Variants in SATB2 observed in about 807,000 individuals in gnomAD.
SATB2 encodes the protein SATB homeobox 2, also known as DNA-binding protein SATB2.
A neutral mutation model predicts 73.4 loss-of-function variants in SATB2; 1 was observed. That is an observed-to-expected ratio of 0.01 (90% CI 0.00 to 0.06). The LOEUF (loss-of-function observed/expected upper bound fraction) is 0.06, where lower values mean the gene tolerates loss of function less well. SATB2 is among the 10% of genes least tolerant of loss of function. The pLI is 1.00. For missense variants in SATB2, 459 were observed against 945.8 expected (o/e 0.49, Z 6.75); for synonymous variants, 397 against 367.0 (o/e 1.08, Z -0.93).
chr2:199,440,214 A>G (rs963058850), intron 2 of SATB2, among the ~76,000 whole-genome samples: 3 of 152,158 alleles, frequency 2.0e-5, no homozygotes, highest in Non-Finnish European at 2.9e-5. Flanking sequence ...CTCAGGAAAA[A>G]TTTCTAAAAG....
intron 7 of SATB2, among the ~76,000 whole-genome samples, chr2:199,333,990 T>C (rs1309603245): frequency 1.3e-5 from 2 of 152,154 alleles, no homozygotes; most frequent in African/African-American, 4.8e-5. Flanking sequence ...TTTGTGGCAG[T>C]TGAAATGAGA....
chr2:199,272,305 C>T lies in SATB2; in HGVS notation c.2108G>A (p.Ser703Asn). ...GTACATCTCCTCGGAGCCTTCCTCG[C>T]TGTCGTTCTCCTCTGACTCGGTCAG... The part of the protein sequence containing the change: ...ELLTESEEND[S>N]EEGSEEMYKV... Residue 703 changes from serine to asparagine, a missense_variant, in exon 11 of 11, where the codon AGC becomes AAC. Transcript: ENST00000417098. The surrounding 1 kb of genome is among the most constrained non-coding windows in gnomAD (Gnocchi z 6.7). The T allele has an allele frequency of 6.2e-7, 1 of 1,614,208 alleles. No homozygotes were observed. The highest frequency in any genetic ancestry group is 8.5e-7 in the Non-Finnish European group (1 of 1,180,036).
At chr2:199,420,358 G>A (rs1691127496) in intron 3 of SATB2, among the ~76,000 whole-genome samples, 1 of 151,994 alleles carries the variant, frequency 6.6e-6, no homozygotes, top group South Asian at 2.1e-4. Context: ...TTGTTTTTAG[G>A]ACTAAATGGA....
chr2:199,409,650 GT>G (rs5837680), intron 3 of SATB2, among the ~76,000 whole-genome samples: 1 of 146,684 alleles, frequency 6.8e-6, no homozygotes, highest in African/African-American at 2.5e-5. Flanking sequence ...ACCAAGACAA[GT>G]TTTTTTTGTT....
At chr2:199,367,957 C>T (rs1436573929) in intron 6 of SATB2, among the ~76,000 whole-genome samples, 1 of 152,044 alleles carries the variant, frequency 6.6e-6, no homozygotes, top group Non-Finnish European at 1.5e-5. Flanking sequence ...AGTATGACTA[C>T]TACTATTAAT....
chr2:199,440,369 C>T (rs1039934056), intron 2 of SATB2, among the ~76,000 whole-genome samples: 1 of 152,204 alleles, frequency 6.6e-6, no homozygotes, highest in Non-Finnish European at 1.5e-5. Flanking sequence ...AAAAATTCCA[C>T]AGATTAATAG....
intron 3 of SATB2, among the ~76,000 whole-genome samples, chr2:199,386,708 GCGCGCGCGCACA>G (rs1476016879): frequency 0.094 from 4,258 of 45,280 alleles, 82 homozygotes; most frequent in East Asian, 0.14. Flanking sequence ...GCGCGCGCGC[GCGCGCGCGCACA>G]CACACACACA....
At chr2:199,293,060 C>T (rs1277789494) in intron 10 of SATB2, among the ~76,000 whole-genome samples, 3 of 152,082 alleles carry the variant, frequency 2.0e-5, no homozygotes, top group Admixed American at 6.6e-5. Flanking sequence ...TGAAATACCA[C>T]ATTTGATCAG....
At chr2:199,418,361 G>C (rs967418988) in intron 3 of SATB2, among the ~76,000 whole-genome samples, 1 of 152,108 alleles carries the variant, frequency 6.6e-6, no homozygotes, top group Admixed American at 6.5e-5. Flanking sequence ...GAGGGCCAAC[G>C]ATCTGTTAAG....
intron 2 of SATB2, among the ~76,000 whole-genome samples, chr2:199,445,693 C>T (rs1259434902): frequency 6.6e-6 from 1 of 152,106 alleles, no homozygotes; most frequent in Non-Finnish European, 1.5e-5. Context: ...GTGACTTTAC[C>T]TGGTTATTAA....
intron 3 of SATB2, among the ~76,000 whole-genome samples, chr2:199,390,573 C>A (rs754916504): frequency 1.3e-5 from 2 of 152,118 alleles, no homozygotes; most frequent in Non-Finnish European, 2.9e-5. Flanking sequence ...ATCAAAGACA[C>A]AAGCGAAAGA....
At chr2:199,432,832 A>G (rs1691542323) in intron 3 of SATB2, among the ~76,000 whole-genome samples, 1 of 152,270 alleles carries the variant, frequency 6.6e-6, no homozygotes, top group Admixed American at 6.5e-5. Context: ...AATTGATCAT[A>G]AAGACATGGC....
intron 10 of SATB2, among the ~76,000 whole-genome samples, chr2:199,294,326 T>A (rs1900327): frequency 0.75 from 114,346 of 152,038 alleles, 46,000 homozygotes; most frequent in Non-Finnish European, 0.89. Context: ...TTGATTTCTT[T>A]TCAACAAAAT....
At position 199,433,318 on chromosome 2, in the gene SATB2, G is replaced by C. The variant is rs1403599984; in HGVS notation, c.346+20C>G. ...ATGACACACAAGAGACTTGGGAGGA[G>C]AGGGGAGAGGCATTAATACCTTGGG... On this transcript the variant is annotated intron_variant, in intron 3 of 10. Transcript: ENST00000417098. 1.2e-6 allele frequency: 2 copies of C among 1,609,044 alleles called. No individual in the cohort carries two copies. Among genetic ancestry groups the C allele is most frequent in the African/African-American group, 2.7e-5 (2 of 74,802 alleles).
In SATB2 at chr2:199,455,212, G is replaced by A. The variant is rs1169834160; in HGVS notation, c.169+657C>T. 6.6e-6 allele frequency among the ~76,000 whole-genome samples: 1 copy of A among 152,118 alleles called. No individual in the cohort carries two copies. Among genetic ancestry groups the A allele is most frequent in the Non-Finnish European group, 1.5e-5 (1 of 68,020 alleles). Reference sequence around the variant, plus strand: ...AAATTATTAATAAATTCTTTGGAGGGGAAACTACATCTAGTTGATAAGGCT... The same window carrying A: ...AAATTATTAATAAATTCTTTGGAGGAGAAACTACATCTAGTTGATAAGGCT... On this transcript the variant is annotated intron_variant, in intron 2 of 10. Coordinates refer to ENST00000417098, the MANE Select transcript of SATB2 (RefSeq NM_001172509.2). The surrounding 1 kb of genome is among the most constrained non-coding windows in gnomAD (Gnocchi z 4.1).
At chr2:199,372,610 ACT>A (rs1470560168) in intron 5 of SATB2, among the ~76,000 whole-genome samples, 3 of 152,114 alleles carry the variant, frequency 2.0e-5, no homozygotes, top group East Asian at 1.9e-4. Context: ...CCATGAAGAC[ACT>A]CTGTTAGTGG....
At chr2:199,402,200 C>G (rs1690501802) in intron 3 of SATB2, among the ~76,000 whole-genome samples, 1 of 152,122 alleles carries the variant, frequency 6.6e-6, no homozygotes, top group South Asian at 2.1e-4. Context: ...TCCTGGCCAA[C>G]ATGGTGAAAC....
Position 199,270,815 on chromosome 2 carries a change from C to G in SATB2, c.*1396G>C, listed in dbSNP as rs1692131831. 6.6e-6 allele frequency: 1 copy of G among 152,316 alleles called. No homozygotes were observed. The highest frequency in any genetic ancestry group is 6.5e-5 in the Admixed American group (1 of 15,276). The allele number at this position is 152,316 out of a possible 1,614,324, so 9.4% of individuals were successfully genotyped here. A position where few individuals can be genotyped will look rare whatever the true frequency, so the allele number is the denominator to read the frequency against. ...CTTTTAGGATGAGTAAGTGATTCTA[C>G]TGAAATCGCTTCACATACTCTATTG... On this transcript the variant is annotated 3_prime_UTR_variant, in exon 11 of 11. Transcript: ENST00000417098.
chr2:199,444,372 A>G (rs541871776), intron 2 of SATB2, among the ~76,000 whole-genome samples: 1 of 152,244 alleles, frequency 6.6e-6, no homozygotes, highest in African/African-American at 2.4e-5. Context: ...CCCTAAATAA[A>G]ATGTAAGAGT....
Sources: allele counts gnomAD v4.1 joint callset (sites outside exome capture counted in the v4.1 genomes callset), GRCh38; gene constraint gnomAD v4.1.1; non-coding constraint Gnocchi (gnomAD v3.1); transcripts MANE v1.5; gene names NCBI Gene and HGNC (gene_info 2026-07-23, HGNC 2026-07-21).